ASCC3: variants seen among roughly 807,000 people sequenced by gnomAD.
ASCC3 encodes the protein activating signal cointegrator 1 complex subunit 3.
In ASCC3, 158 loss-of-function variants were observed where a neutral mutation model predicts 256.3. That is an observed-to-expected ratio of 0.62 (90% CI 0.54 to 0.70). The LOEUF (loss-of-function observed/expected upper bound fraction) is 0.70. ASCC3 is among the 30% of genes least tolerant of loss of function. The pLI is 0.00. For synonymous variants in ASCC3, 948 were observed against 883.4 expected (o/e 1.07, Z -1.30); for missense variants, 2,259 against 2,626.0 (o/e 0.86, Z 3.05).
rs139823459 is a variant in ASCC3, at chr6:100,792,434, T to C, written c.1395+6279A>G. ...TCTCCACATATGGCCTACATGCTAA[T>C]AAGACTGAAGTGCTTGATATCCAAA... is the stretch of plus-strand genomic sequence containing the variant. On this transcript the variant is annotated intron_variant, in intron 8 of 41. Coordinates refer to ENST00000369162, the MANE Select transcript of ASCC3 (RefSeq NM_006828.4). 2.0e-5 allele frequency among the ~76,000 whole-genome samples: 3 copies of C among 152,044 alleles called. No individual in the cohort carries two copies. In the East Asian group the frequency reaches 5.8e-4, roughly 29 times the overall value.
chr6:100,688,446 A>G (rs1777687296), intron 13 of ASCC3, among the ~76,000 whole-genome samples: 1 of 152,220 alleles, frequency 6.6e-6, no homozygotes, highest in Non-Finnish European at 1.5e-5. Context: ...GAATTACTTG[A>G]AAAGTTTATA....
chr6:100,850,245 T>C (rs1341298199), intron 3 of ASCC3, among the ~76,000 whole-genome samples: 1 of 152,110 alleles, frequency 6.6e-6, no homozygotes, highest in Non-Finnish European at 1.5e-5. Context: ...TTGGCTATTA[T>C]ATATTTCCTG....
intron 8 of ASCC3, among the ~76,000 whole-genome samples, chr6:100,774,441 C>T (rs1297590817): frequency 2.0e-5 from 3 of 152,094 alleles, no homozygotes; most frequent in Admixed American, 6.6e-5. Context: ...TCTTGGCTCA[C>T]GGCAACCTCC....
chr6:100,652,839 T>A lies in ASCC3; in HGVS notation c.2874A>T (p.Gly958=). The stretch of plus-strand genomic sequence containing the variant: ...TCATCTGAGCTTTGTCTAGTTTTCG[T>A]CCAACTTCAATGACCAACTGTTCTC... ...KHREQLVIEV[G]RKLDKAQMIR... is the part of the protein sequence containing the mutation. Residue 958 remains glycine, a synonymous_variant, in exon 18 of 42, where the codon GGA becomes GGT. Coordinates refer to ENST00000369162, the MANE Select transcript of ASCC3 (RefSeq NM_006828.4). 1 of 1,613,946 alleles carries A rather than the reference T, an allele frequency of 6.2e-7. No individual in the cohort carries two copies. The highest frequency in any genetic ancestry group is 8.5e-7 in the Non-Finnish European group (1 of 1,179,924).
intron 25 of ASCC3, among the ~76,000 whole-genome samples, chr6:100,633,851 T>C (rs1774689456): frequency 6.7e-6 from 1 of 148,324 alleles, no homozygotes; most frequent in African/African-American, 2.5e-5. Flanking sequence ...TCCAGCAGCC[T>C]GGGCAACGAG....
intron 4 of ASCC3, among the ~76,000 whole-genome samples, chr6:100,818,442 C>T (rs1360508709): frequency 1.3e-5 from 2 of 151,702 alleles, no homozygotes; most frequent in Non-Finnish European, 2.9e-5. Context: ...TGGCAGGCAC[C>T]TCTAATCCCA....
At chr6:100,658,183 T>C (rs1001135799) in intron 16 of ASCC3, among the ~76,000 whole-genome samples, 1 of 151,554 alleles carries the variant, frequency 6.6e-6, no homozygotes, top group Non-Finnish European at 1.5e-5. Flanking sequence ...CTATTCAAAA[T>C]GCTTTTAAAG....
chr6:100,742,876 G>A (rs570197853), intron 10 of ASCC3, among the ~76,000 whole-genome samples: 16 of 152,204 alleles, frequency 1.1e-4, no homozygotes, highest in Admixed American at 1.0e-3. Context: ...CAGGTGTGGT[G>A]GAAGTGAGGC....
chr6:100,758,617 T>A lies in ASCC3; in HGVS notation c.1737+7948A>T, dbSNP rs531936988. Among the ~76,000 whole-genome samples the A allele has an allele frequency of 3.6e-4, 55 of 152,228 alleles. 1 individual carries two copies. The highest frequency in any genetic ancestry group is 7.6e-4 in the Non-Finnish European group (52 of 68,038). ...TATTCCATGGTGTCTATATACCACA[T>A]TTTCTTTATCCAGTCTACCATTGTT... On this transcript the variant is annotated intron_variant, in intron 10 of 41. Transcript: ENST00000369162.
intron 36 of ASCC3, among the ~76,000 whole-genome samples, chr6:100,558,808 A>G (rs1052525913): frequency 6.6e-5 from 10 of 152,096 alleles, no homozygotes; most frequent in African/African-American, 2.4e-4. Context: ...GCTTGCTTTC[A>G]TTCCATATTA....
At chr6:100,655,612 A>C in intron 17 of ASCC3, 87 bp downstream of exon 17, 5 of 1,474,020 alleles carry the variant, frequency 3.4e-6, no homozygotes, top group Non-Finnish European at 4.7e-6. Flanking sequence ...CAGATGAGGC[A>C]AGAGCAGCAA....
intron 3 of ASCC3, among the ~76,000 whole-genome samples, chr6:100,860,281 T>G (rs1773158508): frequency 6.6e-6 from 1 of 151,936 alleles, no homozygotes; most frequent in Non-Finnish European, 1.5e-5. Flanking sequence ...CAATGAGTAT[T>G]TGAATACACT....
At chr6:100,818,022 A>G (rs555458202) in intron 4 of ASCC3, among the ~76,000 whole-genome samples, 1 of 152,180 alleles carries the variant, frequency 6.6e-6, no homozygotes, top group Non-Finnish European at 1.5e-5. Flanking sequence ...GCAAACCAAA[A>G]GCATCAATAT....
At chr6:100,697,020 C>T (rs890640467) in intron 13 of ASCC3, among the ~76,000 whole-genome samples, 1 of 152,002 alleles carries the variant, frequency 6.6e-6, no homozygotes, top group Admixed American at 6.6e-5. Context: ...TTTAAATCAG[C>T]TTGATCTATG....
In ASCC3 at chr6:100,680,890, A is replaced by C. The variant is rs189486743; in HGVS notation, c.2152-1138T>G. Among the ~76,000 whole-genome samples, 6 of 152,286 alleles carry C rather than the reference A, an allele frequency of 3.9e-5. No individual in the cohort carries two copies. The East Asian group carries it at 9.7e-4, about 24-fold the overall frequency. On this transcript the variant is annotated intron_variant, in intron 13 of 41. Transcript: ENST00000369162. ...CTATACATTTAGGAGGATATTCAAG[A>C]ATTGTATCTAGTCAGGGAATCGATA...
At chr6:100,643,378 T>A (rs1482626666) in intron 23 of ASCC3, among the ~76,000 whole-genome samples, 1 of 152,200 alleles carries the variant, frequency 6.6e-6, no homozygotes, top group Non-Finnish European at 1.5e-5. Flanking sequence ...GTATTCAGTA[T>A]TTTGTGCATG....
chr6:100,608,117 T>TGTATATA (rs1562161146), intron 30 of ASCC3, among the ~76,000 whole-genome samples: 2 of 47,882 alleles, frequency 4.2e-5, no homozygotes, highest in Admixed American at 3.9e-4. Flanking sequence ...TGTATATATA[T>TGTATATA]CTATATATAC....
rs1771930597 is a variant in ASCC3, at chr6:100,590,169, C to T, written c.5304-110G>A. 6 of 790,364 alleles carry T rather than the reference C, an allele frequency of 7.6e-6. No homozygotes were observed. The South Asian group carries it at 9.6e-5, about 13-fold the overall frequency. 49.0% of individuals were successfully genotyped at this position (790,364 alleles called of 1,614,324 possible). On this transcript the variant is annotated intron_variant, in intron 34 of 41. Coordinates refer to ENST00000369162, the MANE Select transcript of ASCC3 (RefSeq NM_006828.4). The stretch of plus-strand genomic sequence containing the variant: ...ATATAATCCCCTTTTATTATAAAAC[C>T]TATCCTCAGTAACATCACAAAACTC...
At chr6:100,727,964 A>G (rs183347250) in intron 10 of ASCC3, among the ~76,000 whole-genome samples, 33 of 152,242 alleles carry the variant, frequency 2.2e-4, no homozygotes, top group Non-Finnish European at 3.7e-4. Flanking sequence ...TAAGTCAAAG[A>G]AAGTCTAAAA....
Sources: gnomAD v4.1 joint callset for allele counts (sites outside exome capture counted in the v4.1 genomes callset) on GRCh38, gnomAD v4.1.1 for gene constraint, MANE v1.5 for transcripts, NCBI Gene and HGNC (gene_info 2026-07-23, HGNC 2026-07-21) for gene names.